USP43: variants seen among roughly 807,000 people sequenced by gnomAD.
USP43 encodes the protein ubiquitin specific peptidase 43.
Under a neutral mutation model 90.7 loss-of-function variants are expected in USP43, and 33 were observed. That is an observed-to-expected ratio of 0.36 (90% CI 0.28 to 0.49). The LOEUF is 0.49. USP43 is among the 20% of genes least tolerant of loss of function. The pLI, the probability that USP43 is intolerant of heterozygous loss-of-function variation, is 0.98. For synonymous variants in USP43, 598 were observed against 615.8 expected, an observed-to-expected ratio of 0.97 and a Z score of 0.43; for missense variants, 1,274 against 1,476.4, an observed-to-expected ratio of 0.86 and a Z score of 2.25.
chr17:9,647,852 A>C (rs1261477556), intron 1 of USP43, among the ~76,000 whole-genome samples: 2 of 149,768 alleles, frequency 1.3e-5, no homozygotes, highest in Non-Finnish European at 1.5e-5. Flanking sequence ...AAAATCCAAA[A>C]AAAAAAAAAA....
In USP43 at chr17:9,701,130, G is replaced by A; in HGVS notation, c.1547G>A (p.Ser516Asn). ...DSSVKERLFG[S>N]LQEERAQDAD... The stretch of plus-strand genomic sequence containing the variant: ...TCCTCTCCGTGCAGCCTGTTCGGGA[G>A]CCTCCAGGAGGAGCGAGCGCAGGAT... Residue 516 changes from serine (S) to asparagine (N), a missense_variant, in exon 11 of 15, where the codon AGC becomes AAC. This residue lies in a region of USP43 where 253 missense variants were observed against 276.0 expected (regional missense o/e 0.92). Transcript: ENST00000285199. This position sits in a 1 kb window ranked among gnomAD's most constrained non-coding sequence, Gnocchi z 7.2. 6.8e-7 allele frequency: 1 copy of A among 1,474,236 alleles called. No homozygotes were observed. The highest frequency in any genetic ancestry group is 9.0e-7 in the Non-Finnish European group (1 of 1,109,024). The allele number at this position is 1,474,236 out of a possible 1,614,324, so 91.3% of individuals were successfully genotyped here.
chr17:9,721,058 T>C (rs1916927819), intron 14 of USP43, among the ~76,000 whole-genome samples: 1 of 152,134 alleles, frequency 6.6e-6, no homozygotes, highest in Non-Finnish European at 1.5e-5. Flanking sequence ...GCAACTTATA[T>C]AATTGAGGTG....
chr17:9,672,058 G>A (rs1452658424), intron 3 of USP43, among the ~76,000 whole-genome samples: 3 of 151,972 alleles, frequency 2.0e-5, no homozygotes, highest in Non-Finnish European at 4.4e-5. Flanking sequence ...GTGCAATGGC[G>A]CGATCTCAGC....
In USP43 at chr17:9,709,073, C is replaced by G. The variant is rs1916043527; in HGVS notation, c.2012-883C>G. 6.6e-6 allele frequency among the ~76,000 whole-genome samples: 1 copy of G among 152,156 alleles called. No individual in the cohort carries two copies. The highest frequency in any genetic ancestry group is 2.4e-5 in the African/African-American group (1 of 41,436). On this transcript the variant is annotated intron_variant, in intron 12 of 14. Transcript: ENST00000285199. This position sits in a 1 kb window ranked among gnomAD's most constrained non-coding sequence, Gnocchi z 5.0. ...AAAGTCTCAATATTTGTCATCTGGT[C>G]CCTTATGGGAAAAGTTTGCAAACTT...
intron 14 of USP43, 101 bp downstream of exon 14, chr17:9,712,233 G>A (rs1916244051): frequency 7.4e-7 from 1 of 1,345,574 alleles, no homozygotes; most frequent in Non-Finnish European, 9.8e-7. Flanking sequence ...TGAATGGAAA[G>A]GGTCCATCAT....
chr17:9,657,994 C>T (rs1218512538), intron 2 of USP43, among the ~76,000 whole-genome samples: 7 of 152,194 alleles, frequency 4.6e-5, no homozygotes. Flanking sequence ...GAATAATCTG[C>T]TGTAATAGAA....
rs1261408278 is a variant in USP43 at position 9,701,263 on chromosome 17, C to T, written c.1662+18C>T. 6.2e-7 allele frequency: 1 copy of T among 1,604,816 alleles called. No individual in the cohort carries two copies. ...AGGAGCAGGTCCCGCCCTGGGGGTC[C>T]ATGCCCCGGCCGGGAAGGGGGCTGG... is the stretch of plus-strand genomic sequence containing the variant. On this transcript the variant is annotated intron_variant, in intron 11 of 14. Coordinates refer to ENST00000285199, the MANE Select transcript of USP43 (RefSeq NM_153210.5). The surrounding 1 kb of genome is among the most constrained non-coding windows in gnomAD (Gnocchi z 7.2).
intron 2 of USP43, among the ~76,000 whole-genome samples, chr17:9,663,891 CT>C (rs746913662): frequency 1.8e-4 from 27 of 152,206 alleles, no homozygotes; most frequent in Admixed American, 3.3e-4. Flanking sequence ...TCCAAAAGTG[CT>C]GGGATTACAG....
intron 3 of USP43, among the ~76,000 whole-genome samples, chr17:9,670,755 A>G (rs1193249829): frequency 6.6e-6 from 1 of 152,152 alleles, no homozygotes; most frequent in Non-Finnish European, 1.5e-5. Context: ...TTGGATATTA[A>G]GGACCATCAA....
At chr17:9,716,883 C>G (rs1376282786) in intron 14 of USP43, among the ~76,000 whole-genome samples, 1 of 152,166 alleles carries the variant, frequency 6.6e-6, no homozygotes, top group Admixed American at 6.5e-5. Context: ...TGCCTGTAAT[C>G]CCAGCACTTT....
Position 9,693,201 on chromosome 17 carries a change from T to C in USP43, c.1428T>C (p.Ser476=), listed in dbSNP as rs1302284889. 2 of 1,613,210 alleles carry C rather than the reference T, an allele frequency of 1.2e-6. No individual in the cohort carries two copies. Among genetic ancestry groups the C allele is most frequent in the Non-Finnish European group, 1.7e-6 (2 of 1,179,700 alleles). ...VACSYLSPKD[S]RPLCHWAVDR... is the part of the protein sequence containing the mutation. ...GCAGCTATTTGTCTCCGAAGGACAG[T>C]CGGCCCCTCTGTCACTGGGCAGTTG... Residue 476 remains serine, a synonymous_variant, in exon 9 of 15, where the codon AGT becomes AGC. Coordinates refer to ENST00000285199, the MANE Select transcript of USP43 (RefSeq NM_153210.5).
chr17:9,678,929 A>G (rs991224677), intron 5 of USP43, among the ~76,000 whole-genome samples: 2 of 152,098 alleles, frequency 1.3e-5, no homozygotes, highest in Admixed American at 6.5e-5. Flanking sequence ...TTGCATAATT[A>G]CGAGTCTAAA....
intron 14 of USP43, among the ~76,000 whole-genome samples, chr17:9,724,365 G>A (rs1435013991): frequency 6.6e-6 from 1 of 152,146 alleles, no homozygotes; most frequent in Admixed American, 6.6e-5. Flanking sequence ...AGGCTGTGAA[G>A]TAATTGTACT....
rs1914583606 is a variant in USP43 at position 9,686,068 on chromosome 17, T to G, written c.1242-730T>G. On this transcript the variant is annotated intron_variant, in intron 7 of 14. Transcript: ENST00000285199. This position sits in a 1 kb window ranked among gnomAD's most constrained non-coding sequence, Gnocchi z 5.5. ...GGAGTACATGCAGTATTTATCTTTC[T>G]GTGCCTGACTTATTTCACTTAACAT... 6.6e-6 allele frequency among the ~76,000 whole-genome samples: 1 copy of G among 152,232 alleles called. No homozygotes were observed. Among genetic ancestry groups the G allele is most frequent in the Admixed American group, 6.5e-5 (1 of 15,278 alleles).
intron 2 of USP43, among the ~76,000 whole-genome samples, chr17:9,662,698 C>T (rs951026868): frequency 1.3e-5 from 2 of 152,162 alleles, no homozygotes; most frequent in Non-Finnish European, 2.9e-5. Context: ...AGCATCTCTC[C>T]GAGCATGTTG....
chr17:9,686,680 C>T lies in USP43; in HGVS notation c.1242-118C>T. 2 of 793,410 alleles carry T rather than the reference C, an allele frequency of 2.5e-6. 1 individual carries two copies. The highest frequency in any genetic ancestry group is 4.0e-6 in the Non-Finnish European group (2 of 497,774). The allele number at this position is 793,410 out of a possible 1,614,324, so 49.1% of individuals were successfully genotyped here. On this transcript the variant is annotated intron_variant, in intron 7 of 14. Coordinates refer to ENST00000285199, the MANE Select transcript of USP43 (RefSeq NM_153210.5). This position sits in a 1 kb window ranked among gnomAD's most constrained non-coding sequence, Gnocchi z 5.5. ...TTTTTTTTGCTGTTGAGTTTTTGTG[C>T]TTAGCTCTTGTCACTTATCCTATTG...
chr17:9,653,498 G>A (rs1912017261), intron 1 of USP43, among the ~76,000 whole-genome samples: 1 of 151,940 alleles, frequency 6.6e-6, no homozygotes, highest in African/African-American at 2.4e-5. Flanking sequence ...TGAGGCAGGA[G>A]AATCATTTGA....
At chr17:9,687,094 T>C (rs1423055555) in intron 8 of USP43, among the ~76,000 whole-genome samples, 185 bp downstream of exon 8, 2 of 152,250 alleles carry the variant, frequency 1.3e-5, no homozygotes, top group African/African-American at 4.8e-5. Context: ...AACCATCTTA[T>C]AGTCTGTAGT....
intron 14 of USP43, among the ~76,000 whole-genome samples, chr17:9,713,375 C>A (rs1916318332): frequency 2.0e-5 from 3 of 152,164 alleles, no homozygotes; most frequent in Non-Finnish European, 4.4e-5. Context: ...AGGGATGAGC[C>A]ACCGCACCTG....
Sources: allele counts gnomAD v4.1 joint callset (sites outside exome capture counted in the v4.1 genomes callset), GRCh38; gene constraint gnomAD v4.1.1; regional missense constraint gnomAD v4.1.1; non-coding constraint Gnocchi (gnomAD v3.1); transcripts MANE v1.5; gene names NCBI Gene and HGNC (gene_info 2026-07-23, HGNC 2026-07-21).